The following RBFOX3 variants were observed in gnomAD, a reference collection of about 807,000 sequenced individuals.
RBFOX3 encodes RNA binding fox-1 homolog 3.
RBFOX3 carries 17 observed loss-of-function variants against 48.7 expected under a neutral mutation model. The ratio of observed to expected loss-of-function variants is 0.35; its 90% confidence interval spans 0.24 to 0.52. The LOEUF (loss-of-function observed/expected upper bound fraction) is 0.52, where lower values mean the gene tolerates loss of function less well. Ranked by LOEUF, RBFOX3 falls within the 20% of genes least tolerant of loss-of-function variation. The pLI, the probability that RBFOX3 is intolerant of heterozygous loss-of-function variation, is 0.94. For missense variants in RBFOX3, 382 were observed against 497.5 expected (o/e 0.77, Z 2.21); for synonymous variants, 212 against 209.5 (o/e 1.01, Z -0.10).
intron 1 of RBFOX3, among the ~76,000 whole-genome samples, chr17:79,505,912 G>A (rs2083046885): frequency 6.6e-6 from 1 of 152,204 alleles, no homozygotes; most frequent in Admixed American, 6.5e-5. Context: ...TGGCCCCTAT[G>A]TTATAGCTGA....
chr17:79,547,717 C>T lies in RBFOX3; in HGVS notation c.-320+63109G>A, dbSNP rs562592620. Among the ~76,000 whole-genome samples, 4 of 152,310 alleles carry T rather than the reference C, an allele frequency of 2.6e-5. No homozygotes were observed. The East Asian group carries it at 7.7e-4, about 29-fold the overall frequency. The stretch of plus-strand genomic sequence containing the variant: ...TCCAGGGGCTGCCGTCCAGCACCTG[C>T]GGAGACCAGTGGAGCAGGCTGGGGG... On this transcript the variant is annotated intron_variant, in intron 1 of 14. Coordinates refer to ENST00000693108, the MANE Select transcript of RBFOX3 (RefSeq NM_001350451.2).
intron 4 of RBFOX3, among the ~76,000 whole-genome samples, chr17:79,173,641 G>T (rs1289014476): frequency 6.6e-6 from 1 of 152,216 alleles, no homozygotes; most frequent in African/African-American, 2.4e-5. Context: ...GCGCCAGCGG[G>T]TCTAGGTGGC....
At chr17:79,575,852 G>A (rs2144672515) in intron 1 of RBFOX3, among the ~76,000 whole-genome samples, 1 of 152,274 alleles carries the variant, frequency 6.6e-6, no homozygotes, top group South Asian at 2.1e-4. Flanking sequence ...GTATTCCTGT[G>A]ATAGTAGCAA....
chr17:79,445,890 C>T (rs2072167133), intron 2 of RBFOX3, among the ~76,000 whole-genome samples: 1 of 152,180 alleles, frequency 6.6e-6, no homozygotes, highest in Non-Finnish European at 1.5e-5. Flanking sequence ...AGGGCAGGGG[C>T]CCTCCAACCA....
At chr17:79,097,817 AC>A in intron 9 of RBFOX3, 72 bp from the exon 10 acceptor site, 1 of 1,470,014 alleles carries the variant, frequency 6.8e-7, no homozygotes, top group Non-Finnish European at 9.3e-7. Context: ...ATGCCTGGGA[AC>A]CCCAGCGACA....
intron 3 of RBFOX3, among the ~76,000 whole-genome samples, chr17:79,296,753 CCTT>C (rs1029047041): frequency 1.4e-5 from 2 of 147,740 alleles, no homozygotes; most frequent in African/African-American, 5.0e-5. Context: ...TGTCCTTTCT[CCTT>C]CTTTTACTAC....
intron 2 of RBFOX3, among the ~76,000 whole-genome samples, chr17:79,415,818 C>T (rs2065258470): frequency 6.6e-6 from 1 of 152,120 alleles, no homozygotes; most frequent in Non-Finnish European, 1.5e-5. Context: ...CAAATGGCAG[C>T]CTGCATGTGC....
intron 1 of RBFOX3, among the ~76,000 whole-genome samples, chr17:79,603,512 C>A (rs1035222900): frequency 2.0e-5 from 3 of 152,208 alleles, no homozygotes; most frequent in Admixed American, 2.0e-4. Flanking sequence ...CTCCAGGGAG[C>A]CCTTCCAGGC....
At chr17:79,520,774 C>T (rs1458496187) in intron 1 of RBFOX3, among the ~76,000 whole-genome samples, 1 of 152,180 alleles carries the variant, frequency 6.6e-6, no homozygotes, top group East Asian at 1.9e-4. Context: ...AGAGTCGGGC[C>T]CTCCCGGCTG....
At chr17:79,617,091 G>A in the RBFOX3 span, among the ~76,000 whole-genome samples, 15 of 152,096 alleles carry the variant, frequency 9.9e-5, no homozygotes, top group Non-Finnish European at 1.6e-4. Flanking sequence ...CTTTTTTCCT[G>A]GCAGATGGTG....
At chr17:79,343,937 G>A (rs970702969) in intron 2 of RBFOX3, among the ~76,000 whole-genome samples, 5 of 152,154 alleles carry the variant, frequency 3.3e-5, no homozygotes, top group African/African-American at 1.2e-4. Context: ...GCATGCACAG[G>A]ACCATGGAAT....
chr17:79,556,736 CA>C (rs2091789816), intron 1 of RBFOX3, among the ~76,000 whole-genome samples: 1 of 152,194 alleles, frequency 6.6e-6, no homozygotes, highest in African/African-American at 2.4e-5. Flanking sequence ...TCTGAGAAGG[CA>C]GCACATCTAT....
chr17:79,276,979 C>A (rs2068994410), intron 3 of RBFOX3, among the ~76,000 whole-genome samples: 1 of 152,200 alleles, frequency 6.6e-6, no homozygotes. Context: ...TCAGCCACCC[C>A]ATCTGCTATG....
intron 4 of RBFOX3, among the ~76,000 whole-genome samples, chr17:79,223,303 A>G (rs2059941404): frequency 6.6e-6 from 1 of 151,874 alleles, no homozygotes; most frequent in African/African-American, 2.4e-5. Context: ...ATGCCCTGAT[A>G]CCCCTGCACA....
chr17:79,232,937 T>G (rs1427035487), intron 4 of RBFOX3, among the ~76,000 whole-genome samples: 3 of 152,194 alleles, frequency 2.0e-5, no homozygotes, highest in Admixed American at 2.0e-4. Flanking sequence ...GTGCAACCAC[T>G]TTGGAAAACC....
chr17:79,340,259 A>G (rs981399395), intron 2 of RBFOX3, among the ~76,000 whole-genome samples: 6 of 149,128 alleles, frequency 4.0e-5, no homozygotes, highest in Non-Finnish European at 8.9e-5. Flanking sequence ...AGATCACACC[A>G]TTGCACTCCA....
intron 1 of RBFOX3, among the ~76,000 whole-genome samples, chr17:79,516,987 C>T (rs1287812054): frequency 1.3e-5 from 2 of 151,836 alleles, no homozygotes; most frequent in Admixed American, 6.6e-5. Flanking sequence ...AATGGGGAGC[C>T]GGTGTTTCAT....
intron 2 of RBFOX3, among the ~76,000 whole-genome samples, chr17:79,458,475 G>A (rs1178641969): frequency 1.3e-5 from 2 of 152,178 alleles, no homozygotes; most frequent in Admixed American, 6.5e-5. Flanking sequence ...GTGTGTGCGT[G>A]TGCGTGAGAT....
Position 79,103,835 on chromosome 17 carries a change from G to A in RBFOX3, c.414+238C>T, listed in dbSNP as rs1321192946. On this transcript the variant is annotated intron_variant, in intron 7 of 14. Coordinates refer to ENST00000693108, the MANE Select transcript of RBFOX3 (RefSeq NM_001350451.2). This position sits in a 1 kb window ranked among gnomAD's most constrained non-coding sequence, Gnocchi z 6.1. ...CCCGGACCTGGGGCCCAGGGCTCTGGGGTGCAGGCAAGAGGTCCTGGTGGC... is the reference window on the plus strand; with the variant it reads ...CCCGGACCTGGGGCCCAGGGCTCTGAGGTGCAGGCAAGAGGTCCTGGTGGC... 5.3e-5 allele frequency among the ~76,000 whole-genome samples: 8 copies of A among 151,808 alleles called. No individual in the cohort carries two copies. The East Asian group carries it at 1.6e-3, about 29-fold the overall frequency.
Sources: gnomAD v4.1 joint callset for allele counts (sites outside exome capture counted in the v4.1 genomes callset) on GRCh38, gnomAD v4.1.1 for gene constraint, Gnocchi (gnomAD v3.1) non-coding constraint, MANE v1.5 for transcripts, NCBI Gene and HGNC (gene_info 2026-07-23, HGNC 2026-07-21) for gene names.